The following CADM2 variants were observed in gnomAD, a reference collection of about 807,000 sequenced individuals.
The protein encoded by CADM2 is immunoglobulin superfamily member 4D.
Under a neutral mutation model 49.8 loss-of-function variants are expected in CADM2, and 12 were observed. The observed-to-expected ratio is 0.24, with a 90% CI of 0.15 to 0.39. The LOEUF (loss-of-function observed/expected upper bound fraction) is 0.39. Ranked by LOEUF, CADM2 falls within the 10% of genes least tolerant of loss-of-function variation. The pLI is 1.00. For synonymous variants in CADM2, 214 were observed against 175.4 expected, an observed-to-expected ratio of 1.22 and a Z score of -1.74; for missense variants, 378 against 492.3, an observed-to-expected ratio of 0.77 and a Z score of 2.20.
intron 1 of CADM2, among the ~76,000 whole-genome samples, chr3:85,612,158 T>C (rs1232306153): frequency 6.6e-6 from 1 of 151,782 alleles, no homozygotes; most frequent in Non-Finnish European, 1.5e-5. Flanking sequence ...AACACCAAAA[T>C]TGGTTTAAAA....
intron 6 of CADM2, among the ~76,000 whole-genome samples, chr3:85,934,176 G>A (rs1720921144): frequency 6.6e-6 from 1 of 151,986 alleles, no homozygotes; most frequent in African/African-American, 2.4e-5. Flanking sequence ...AATATGTCAT[G>A]GGGAAAATAA....
intron 1 of CADM2, among the ~76,000 whole-genome samples, chr3:85,468,098 G>C (rs570548634): frequency 1.4e-5 from 2 of 139,756 alleles, no homozygotes; most frequent in African/African-American, 5.4e-5. Flanking sequence ...AGCTTGCAGT[G>C]AGCCGAGATC....
intron 1 of CADM2, among the ~76,000 whole-genome samples, chr3:85,568,891 T>A (rs2062396778): frequency 6.6e-6 from 1 of 152,042 alleles, no homozygotes; most frequent in Admixed American, 6.6e-5. Context: ...TTCTGAACGT[T>A]TTATATGAAA....
At position 85,059,329 on chromosome 3, in the gene CADM2, A is replaced by C. The variant is rs1400938721; in HGVS notation, c.61+99661A>C. ...AGCAAATAAAAAAATAAAAAAAAAA[A>C]CAACTATGCATTTCTCTAAAGTCTT... On this transcript the variant is annotated intron_variant, in intron 1 of 9. Coordinates refer to ENST00000383699, the MANE Select transcript of CADM2 (RefSeq NM_001167675.2). Among the ~76,000 whole-genome samples the C allele has an allele frequency of 4.6e-5, 7 of 151,336 alleles. No homozygotes were observed. The South Asian group carries it at 6.3e-4, about 14-fold the overall frequency.
chr3:86,003,140 C>A (rs1730384890), intron 8 of CADM2, among the ~76,000 whole-genome samples: 1 of 152,206 alleles, frequency 6.6e-6, no homozygotes, highest in Non-Finnish European at 1.5e-5. Context: ...AAAGATGATG[C>A]TTTACTCTAG....
chr3:85,318,206 T>C (rs2044514263), intron 1 of CADM2, among the ~76,000 whole-genome samples: 2 of 150,270 alleles, frequency 1.3e-5, no homozygotes, highest in Non-Finnish European at 3.0e-5. Context: ...AAAATATATA[T>C]ATAGTCACAT....
intron 1 of CADM2, among the ~76,000 whole-genome samples, chr3:85,600,949 T>C (rs1322115408): frequency 6.6e-6 from 1 of 150,622 alleles, no homozygotes; most frequent in Non-Finnish European, 1.5e-5. Flanking sequence ...GATATGATCA[T>C]TGAAATTTGA....
In CADM2 at chr3:86,012,974, A is replaced by C. The variant is rs998311383; in HGVS notation, c.970+51327A>C. 3 of 810,860 alleles carry C rather than the reference A, an allele frequency of 3.7e-6. No homozygotes were observed. The Admixed American group carries it at 5.6e-5, about 15-fold the overall frequency. The allele number at this position is 810,860 out of a possible 1,614,324, so 50.2% of individuals were successfully genotyped here. ...TGGGCGACAGCGAGACTCCATCTCA[A>C]AAACAAAAACAAAAACCTGATCAGC... On this transcript the variant is annotated intron_variant, in intron 8 of 9. Coordinates refer to ENST00000383699, the MANE Select transcript of CADM2 (RefSeq NM_001167675.2).
rs140350754 is a variant in CADM2 at position 85,973,695 on chromosome 3, G to A, written c.970+12048G>A. On this transcript the variant is annotated intron_variant, in intron 8 of 9. Coordinates refer to ENST00000383699, the MANE Select transcript of CADM2 (RefSeq NM_001167675.2). ...AATTTGAAAATGTTATTATAACATC[G>A]CACATTTTTAATTTGTGTTTTCTAC... is the stretch of plus-strand genomic sequence containing the variant. Among the ~76,000 whole-genome samples, 51 of 151,788 alleles carry A rather than the reference G, an allele frequency of 3.4e-4. No homozygotes were observed. The South Asian group carries it at 7.9e-3, about 23-fold the overall frequency.
intron 8 of CADM2, among the ~76,000 whole-genome samples, chr3:85,968,678 G>A (rs1725751516): frequency 6.6e-6 from 1 of 151,484 alleles, no homozygotes; most frequent in South Asian, 2.1e-4. Flanking sequence ...TGTGGCACTC[G>A]GTCCTTCTAT....
chr3:85,481,881 G>T (rs746016676), intron 1 of CADM2, among the ~76,000 whole-genome samples: 1 of 148,490 alleles, frequency 6.7e-6, no homozygotes, highest in Non-Finnish European at 1.5e-5. Context: ...GATGTTATTC[G>T]TGTTCTTTAT....
chr3:85,313,534 C>T (rs969151573), intron 1 of CADM2, among the ~76,000 whole-genome samples: 6 of 152,058 alleles, frequency 3.9e-5, no homozygotes, highest in African/African-American at 1.2e-4. Context: ...GCCAAATGTG[C>T]CTTTTTGATG....
intron 1 of CADM2, among the ~76,000 whole-genome samples, chr3:85,309,285 G>A (rs1453600941): frequency 6.6e-6 from 1 of 152,076 alleles, no homozygotes; most frequent in African/African-American, 2.4e-5. Flanking sequence ...ATTTTATATG[G>A]TAGCAAAGAG....
intron 1 of CADM2, among the ~76,000 whole-genome samples, chr3:85,437,424 C>T (rs986111046): frequency 6.6e-6 from 1 of 152,072 alleles, no homozygotes; most frequent in African/African-American, 2.4e-5. Context: ...TAAGAAACTG[C>T]CAGCATGTCT....
intron 1 of CADM2, among the ~76,000 whole-genome samples, chr3:84,978,843 G>C (rs1021812214): frequency 2.6e-5 from 4 of 152,152 alleles, no homozygotes; most frequent in African/African-American, 9.7e-5. Context: ...AAAATTGGAT[G>C]TAACTTTAAA....
chr3:85,552,767 C>A (rs1184347685), intron 1 of CADM2, among the ~76,000 whole-genome samples: 1 of 151,936 alleles, frequency 6.6e-6, no homozygotes, highest in South Asian at 2.1e-4. Flanking sequence ...ACCTCTGCCT[C>A]CCGGGTTCAA....
intron 3 of CADM2, among the ~76,000 whole-genome samples, chr3:85,874,939 C>T (rs1380295096): frequency 6.6e-6 from 1 of 152,082 alleles, no homozygotes; most frequent in Non-Finnish European, 1.5e-5. Flanking sequence ...CATAGAAATA[C>T]TAGGGTGTAA....
intron 7 of CADM2, among the ~76,000 whole-genome samples, chr3:85,950,603 A>C (rs889639875): frequency 6.6e-6 from 1 of 151,184 alleles, no homozygotes; most frequent in African/African-American, 2.4e-5. Context: ...TCTAAAGAGC[A>C]CTTACCTCTT....
chr3:85,391,650 C>G (rs887952154), intron 1 of CADM2, among the ~76,000 whole-genome samples: 1 of 152,046 alleles, frequency 6.6e-6, no homozygotes, highest in African/African-American at 2.4e-5. Context: ...ATTATCTTGG[C>G]CAAAGTGCCA....
Sources: allele counts gnomAD v4.1 joint callset (sites outside exome capture counted in the v4.1 genomes callset), GRCh38; gene constraint gnomAD v4.1.1; transcripts MANE v1.5; gene names NCBI Gene and HGNC (gene_info 2026-07-23, HGNC 2026-07-21).